SMYD3: variants seen among roughly 807,000 people sequenced by gnomAD.
SMYD3 encodes SET and MYND domain containing 3, also known as histone-lysine N-methyltransferase SMYD3.
SMYD3 carries 36 observed loss-of-function variants against 57.7 expected under a neutral mutation model. That is an observed-to-expected ratio of 0.62 (90% CI 0.48 to 0.82). The LOEUF (loss-of-function observed/expected upper bound fraction) is 0.82, where lower values mean the gene tolerates loss of function less well. Among genes scored for constraint, SMYD3 ranks in the 40% least tolerant of loss-of-function variants. The pLI, the probability that SMYD3 is intolerant of heterozygous loss-of-function variation, is 0.00. For synonymous variants in SMYD3, 211 were observed against 195.0 expected, an observed-to-expected ratio of 1.08 and a Z score of -0.68; for missense variants, 515 against 538.8, an observed-to-expected ratio of 0.96 and a Z score of 0.44.
intron 1 of SMYD3, among the ~76,000 whole-genome samples, chr1:246,438,508 A>T (rs2067414698): frequency 6.6e-6 from 1 of 152,092 alleles, no homozygotes; most frequent in Non-Finnish European, 1.5e-5. Flanking sequence ...TCCTCCAGGG[A>T]TTGATTCCAG....
chr1:246,377,462 C>G (rs1005274673), intron 1 of SMYD3, among the ~76,000 whole-genome samples: 25 of 151,580 alleles, frequency 1.6e-4, no homozygotes, highest in African/African-American at 6.1e-4. Flanking sequence ...CTCCGCCTCC[C>G]GGGTTCAAGC....
chr1:245,781,108 C>G lies in SMYD3; in HGVS notation c.1077-16959G>C, dbSNP rs187855709. On this transcript the variant is annotated intron_variant, in intron 10 of 11. Coordinates refer to ENST00000490107, the MANE Select transcript of SMYD3 (RefSeq NM_001167740.2). ...GCTGGGTATGGGTATGAACTGACTG[C>G]AAACAGGCCTCAGGAAAACTTTGGA... Among the ~76,000 whole-genome samples, 321 of 152,222 alleles carry G rather than the reference C, an allele frequency of 2.1e-3. 1 individual carries two copies. The highest frequency in any genetic ancestry group is 7.3e-3 in the African/African-American group (302 of 41,524).
chr1:246,311,599 C>T (rs533333982), intron 5 of SMYD3, among the ~76,000 whole-genome samples: 2 of 152,126 alleles, frequency 1.3e-5, no homozygotes, highest in Non-Finnish European at 2.9e-5. Flanking sequence ...GCCTTAGGAA[C>T]CACCCTCCTT....
chr1:246,444,315 G>A lies in SMYD3; in HGVS notation c.164+62739C>T, dbSNP rs530739465. ...TAATTTTTGTATTTTTGGTAGAGAC[G>A]GGGTTTCACCATGTTGGCCAGACTG... On this transcript the variant is annotated intron_variant, in intron 1 of 11. Transcript: ENST00000490107. 2.1e-4 allele frequency among the ~76,000 whole-genome samples: 32 copies of A among 152,106 alleles called. 1 individual carries two copies. Among genetic ancestry groups the A allele is most frequent in the South Asian group, 2.1e-3 (10 of 4,816 alleles).
chr1:246,165,657 T>A (rs1244075057), intron 5 of SMYD3, among the ~76,000 whole-genome samples: 1 of 152,158 alleles, frequency 6.6e-6, no homozygotes, highest in Non-Finnish European at 1.5e-5. Context: ...GAGGCCACCA[T>A]GTACCAGTCA....
At chr1:246,084,933 A>G (rs1469143937) in intron 5 of SMYD3, among the ~76,000 whole-genome samples, 1 of 152,164 alleles carries the variant, frequency 6.6e-6, no homozygotes, top group Non-Finnish European at 1.5e-5. Flanking sequence ...ACATTATTTT[A>G]CCCCTAAAGA....
At chr1:246,315,877 G>A (rs10924689) in intron 5 of SMYD3, among the ~76,000 whole-genome samples, 49,834 of 152,008 alleles carry the variant, frequency 0.33, 9,049 homozygotes, top group East Asian at 0.69. Context: ...TTACCTTTAT[G>A]ATATACCAAG....
At chr1:246,397,847 T>G (rs1341088176) in intron 1 of SMYD3, among the ~76,000 whole-genome samples, 2 of 146,042 alleles carry the variant, frequency 1.4e-5, no homozygotes, top group Non-Finnish European at 3.0e-5. Context: ...ATCATAGGGG[T>G]GTAGAAAACA....
In SMYD3 at chr1:246,507,268, G is replaced by C. The variant is rs1303536341; in HGVS notation, c.-51C>G. The C allele has an allele frequency of 1.4e-6, 2 of 1,445,818 alleles. No homozygotes were observed. Among genetic ancestry groups the C allele is most frequent in the Non-Finnish European group, 1.8e-6 (2 of 1,093,058 alleles). 89.6% of individuals were successfully genotyped at this position (1,445,818 alleles called of 1,614,324 possible). A position where few individuals can be genotyped will look rare whatever the true frequency, so the allele number is the denominator to read the frequency against. ...CGGCTACCCGCGTCCAGCAGCGGGC[G>C]TCTCACGGGCTGCCGGGACCCGCGC... On this transcript the variant is annotated 5_prime_UTR_variant, in exon 1 of 12. Coordinates refer to ENST00000490107, the MANE Select transcript of SMYD3 (RefSeq NM_001167740.2).
At chr1:246,195,856 T>C (rs1572196468) in intron 5 of SMYD3, among the ~76,000 whole-genome samples, 1 of 152,296 alleles carries the variant, frequency 6.6e-6, no homozygotes, top group East Asian at 1.9e-4. Flanking sequence ...GCTTCATTTT[T>C]AACCAAAAGG....
At chr1:245,852,438 T>C (rs140695584) in intron 10 of SMYD3, among the ~76,000 whole-genome samples, 1 of 152,322 alleles carries the variant, frequency 6.6e-6, no homozygotes, top group Non-Finnish European at 1.5e-5. Flanking sequence ...CAAGGTACTT[T>C]AGAGGAGTAG....
intron 5 of SMYD3, among the ~76,000 whole-genome samples, chr1:246,046,312 C>A (rs1471551034): frequency 6.6e-6 from 1 of 152,120 alleles, no homozygotes; most frequent in East Asian, 1.9e-4. Context: ...AGGATGAGTT[C>A]ATGTCCTTTG....
chr1:246,236,785 T>TA (rs2063518282), intron 5 of SMYD3, among the ~76,000 whole-genome samples: 1 of 152,222 alleles, frequency 6.6e-6, no homozygotes, highest in Admixed American at 6.5e-5. Flanking sequence ...GTGCTGGGAC[T>TA]ACAGGTGTGA....
intron 1 of SMYD3, among the ~76,000 whole-genome samples, chr1:246,377,605 G>A (rs1394274731): frequency 6.6e-6 from 1 of 152,110 alleles, no homozygotes; most frequent in Non-Finnish European, 1.5e-5. Context: ...CCAACCTCAG[G>A]TGATCTACCT....
intron 10 of SMYD3, among the ~76,000 whole-genome samples, chr1:245,786,173 G>C (rs73134707): frequency 0.067 from 8,017 of 120,408 alleles, 570 homozygotes; most frequent in East Asian, 0.46. Context: ...TGAGAACAAA[G>C]CTTTGTAAGG....
chr1:246,190,047 T>C (rs1410191381), intron 5 of SMYD3, among the ~76,000 whole-genome samples: 2 of 152,220 alleles, frequency 1.3e-5, no homozygotes, highest in Admixed American at 6.5e-5. Context: ...TCACCTCCTA[T>C]CTGAGGAAGG....
intron 10 of SMYD3, among the ~76,000 whole-genome samples, chr1:245,781,150 T>C (rs1293060344): frequency 6.6e-6 from 1 of 152,224 alleles, no homozygotes; most frequent in African/African-American, 2.4e-5. Flanking sequence ...AGAAATATTC[T>C]AAAAATGGAT....
intron 5 of SMYD3, among the ~76,000 whole-genome samples, chr1:246,142,338 C>G (rs1040150138): frequency 1.3e-5 from 2 of 152,156 alleles, no homozygotes; most frequent in African/African-American, 4.8e-5. Flanking sequence ...TAGATCTTAG[C>G]AACCTCAGCG....
At chr1:245,989,759 G>A (rs1237966510) in intron 5 of SMYD3, among the ~76,000 whole-genome samples, 1 of 152,242 alleles carries the variant, frequency 6.6e-6, no homozygotes, top group East Asian at 1.9e-4. Flanking sequence ...GGGTATGGTA[G>A]GGTTTTGGGG....
Sources: allele counts gnomAD v4.1 joint callset (sites outside exome capture counted in the v4.1 genomes callset), GRCh38; gene constraint gnomAD v4.1.1; transcripts MANE v1.5; gene names NCBI Gene and HGNC (gene_info 2026-07-23, HGNC 2026-07-21).